The following DGKB variants were observed in gnomAD, a reference collection of about 807,000 sequenced individuals.
DGKB encodes 90 kDa diacylglycerol kinase.
In DGKB, 67 loss-of-function variants were observed where a neutral mutation model predicts 114.3. That is an observed-to-expected ratio of 0.59 (90% CI 0.48 to 0.72). DGKB has a LOEUF of 0.72. Ranked by LOEUF, DGKB falls within the 30% of genes least tolerant of loss-of-function variation. The pLI is 0.00. For synonymous variants in DGKB, 398 were observed against 323.1 expected (o/e 1.23, Z -2.49); for missense variants, 907 against 975.2 (o/e 0.93, Z 0.93).
chr7:14,874,820 A>C (rs182732693), intron 1 of DGKB, among the ~76,000 whole-genome samples: 4 of 152,268 alleles, frequency 2.6e-5, no homozygotes, highest in Admixed American at 2.6e-4. Context: ...TAGTAGATAC[A>C]ATATAAAGTT....
chr7:14,960,335 A>G (rs888763183), intron 1 of DGKB, among the ~76,000 whole-genome samples: 1 of 152,040 alleles, frequency 6.6e-6, no homozygotes, highest in Non-Finnish European at 1.5e-5. Context: ...TTTTTATACT[A>G]CTTGATTACA....
chr7:14,494,702 G>A (rs1785058076), intron 20 of DGKB, among the ~76,000 whole-genome samples: 1 of 151,866 alleles, frequency 6.6e-6, no homozygotes, highest in Non-Finnish European at 1.5e-5. Flanking sequence ...TGAATAGAAG[G>A]TTGAAAGCGC....
chr7:14,197,912 G>C (rs1463556964), intron 23 of DGKB, among the ~76,000 whole-genome samples: 1 of 152,028 alleles, frequency 6.6e-6, no homozygotes, highest in Non-Finnish European at 1.5e-5. Flanking sequence ...TTCTGACACA[G>C]TCCTCCTAAG....
chr7:14,268,943 A>T (rs546899032), intron 23 of DGKB: 1 of 152,302 alleles, frequency 6.6e-6, no homozygotes, highest in Non-Finnish European at 1.5e-5. Flanking sequence ...ATTAGCTCAC[A>T]GTTTCTGTGG....
intron 21 of DGKB, among the ~76,000 whole-genome samples, chr7:14,350,485 C>T (rs1158128516): frequency 6.6e-6 from 1 of 151,834 alleles, no homozygotes; most frequent in Non-Finnish European, 1.5e-5. Context: ...TCATTTCTAA[C>T]AAAGATGCAA....
intron 25 of DGKB, among the ~76,000 whole-genome samples, chr7:14,173,724 A>G (rs1781339801): frequency 6.6e-6 from 1 of 152,174 alleles, no homozygotes; most frequent in African/African-American, 2.4e-5. Context: ...ATTCTCTTCA[A>G]TTACAGTGAA....
chr7:14,508,716 G>A (rs988146605), intron 20 of DGKB, among the ~76,000 whole-genome samples: 3 of 152,058 alleles, frequency 2.0e-5, no homozygotes, highest in African/African-American at 7.2e-5. Flanking sequence ...CTAGAGGTAA[G>A]GTTGAAAATA....
At chr7:14,734,201 A>AT (rs34935074) in intron 5 of DGKB, among the ~76,000 whole-genome samples, 202 of 149,704 alleles carry the variant, frequency 1.3e-3, no homozygotes, top group Middle Eastern at 6.8e-3. Context: ...TGCCCGGCTA[A>AT]TTTTTTTTTT....
At chr7:14,453,833 T>A (rs1378144998) in intron 21 of DGKB, among the ~76,000 whole-genome samples, 1 of 152,116 alleles carries the variant, frequency 6.6e-6, no homozygotes. Flanking sequence ...CCACAAAACA[T>A]TCCTTTTATA....
intron 1 of DGKB, among the ~76,000 whole-genome samples, chr7:14,869,708 C>G (rs79885579): frequency 0.036 from 5,405 of 152,136 alleles, 204 homozygotes; most frequent in East Asian, 0.16. Flanking sequence ...ATGGGCACTT[C>G]TCTATTCTAT....
chr7:14,506,120 A>G (rs556110930), intron 20 of DGKB, among the ~76,000 whole-genome samples: 2 of 152,320 alleles, frequency 1.3e-5, no homozygotes, highest in South Asian at 2.1e-4. Flanking sequence ...GACTACAACA[A>G]AACACTTCAC....
intron 9 of DGKB, among the ~76,000 whole-genome samples, chr7:14,689,552 T>C (rs1433888104): frequency 5.3e-5 from 8 of 152,242 alleles, no homozygotes; most frequent in Admixed American, 4.6e-4. Context: ...AAATTCTGAG[T>C]GGAGCTGTCA....
At chr7:14,773,252 T>G (rs1304572462) in intron 2 of DGKB, among the ~76,000 whole-genome samples, 1 of 152,204 alleles carries the variant, frequency 6.6e-6, no homozygotes, top group South Asian at 2.1e-4. Flanking sequence ...TTGAGTTTTA[T>G]ATACATGTTT....
intron 23 of DGKB, among the ~76,000 whole-genome samples, chr7:14,261,258 G>C (rs2128412779): frequency 6.7e-6 from 1 of 149,208 alleles, no homozygotes; most frequent in African/African-American, 2.5e-5. Context: ...AAAAAAAAAA[G>C]CCAAACTATA....
At chr7:14,313,306 C>T (rs1859365945) in intron 23 of DGKB, among the ~76,000 whole-genome samples, 1 of 152,122 alleles carries the variant, frequency 6.6e-6, no homozygotes, top group African/African-American at 2.4e-5. Context: ...CGGTCTACAG[C>T]TCCCAGCCTG....
chr7:14,415,876 C>T (rs1386426196), intron 21 of DGKB, among the ~76,000 whole-genome samples: 3 of 152,190 alleles, frequency 2.0e-5, no homozygotes, highest in Non-Finnish European at 4.4e-5. Flanking sequence ...AACTAGTTTA[C>T]AGTCCCACCT....
chr7:14,376,712 C>T (rs1029229261), intron 21 of DGKB, among the ~76,000 whole-genome samples: 1 of 152,120 alleles, frequency 6.6e-6, no homozygotes, highest in Non-Finnish European at 1.5e-5. Flanking sequence ...ACATGTGTTG[C>T]CTGTTTGAAT....
At chr7:14,247,253 T>A (rs1794620400) in intron 23 of DGKB, among the ~76,000 whole-genome samples, 1 of 152,030 alleles carries the variant, frequency 6.6e-6, no homozygotes, top group Non-Finnish European at 1.5e-5. Context: ...TATCTATCCA[T>A]GAACACAAAT....
chr7:14,279,196 C>G (rs976563869), intron 23 of DGKB, among the ~76,000 whole-genome samples: 80 of 151,924 alleles, frequency 5.3e-4, no homozygotes, highest in Admixed American at 4.1e-3. Context: ...TGGCGCACCA[C>G]GAGATTATAT....
Sources: gnomAD v4.1 joint callset for allele counts (sites outside exome capture counted in the v4.1 genomes callset) on GRCh38, gnomAD v4.1.1 for gene constraint, MANE v1.5 for transcripts, NCBI Gene and HGNC (gene_info 2026-07-23, HGNC 2026-07-21) for gene names.